BRCA1: variants seen among roughly 807,000 people sequenced by gnomAD.
The protein encoded by BRCA1 is BRCA1 DNA repair associated.
A neutral mutation model predicts 173.7 loss-of-function variants in BRCA1; 140 were observed. That is an observed-to-expected ratio of 0.81 (90% CI 0.70 to 0.93). BRCA1 has a LOEUF of 0.93. Ranked by LOEUF, BRCA1 falls within the 40% of genes least tolerant of loss-of-function variation. BRCA1 has a pLI of 0.00. For synonymous variants in BRCA1, 662 were observed against 756.0 expected, an observed-to-expected ratio of 0.88 and a Z score of 2.04; for missense variants, 1,983 against 2,172.5, an observed-to-expected ratio of 0.91 and a Z score of 1.73.
intron 2 of BRCA1, among the ~76,000 whole-genome samples, chr17:43,119,822 AT>A (rs2055467189): frequency 6.6e-6 from 1 of 152,250 alleles, no homozygotes; most frequent in African/African-American, 2.4e-5. Context: ...TGAAACAATT[AT>A]ATTTCAGTAT....
chr17:43,144,239 T>G (rs2056101678), intron 1 of BRCA1: 1 of 338,872 alleles, frequency 3.0e-6, no homozygotes, highest in South Asian at 2.2e-5. Flanking sequence ...AAAAATAAAG[T>G]GAATTTTCCT....
intron 4 of BRCA1, 61 bp from the exon 5 acceptor site, chr17:43,105,017 T>C: frequency 7.4e-7 from 1 of 1,352,282 alleles, no homozygotes; most frequent in African/African-American, 1.4e-5. Context: ...TTAAGGACAC[T>C]AAAATAAGAA....
At chr17:43,063,121 A>C (rs1567768414) in intron 18 of BRCA1, among the ~76,000 whole-genome samples, 1 of 151,666 alleles carries the variant, frequency 6.6e-6, no homozygotes, top group Non-Finnish European at 1.5e-5. Context: ...AACTCCCGAC[A>C]TCAGGTGATC....
At chr17:43,155,556 TCTCA>T (rs1359081667) in intron 1 of BRCA1, among the ~76,000 whole-genome samples, 6 of 150,544 alleles carry the variant, frequency 4.0e-5, no homozygotes, top group Non-Finnish European at 7.4e-5. Flanking sequence ...GGAGATGGAG[TCTCA>T]CTCACTCTGC....
At chr17:43,108,706 CAAA>C (rs35561635) in intron 3 of BRCA1, among the ~76,000 whole-genome samples, 36 of 16,066 alleles carry the variant, frequency 2.2e-3, no homozygotes, top group Admixed American at 5.3e-3. Flanking sequence ...GACTCTGTCT[CAAA>C]AAAAAAAAAA....
At chr17:43,110,976 C>CT (rs1449260438) in intron 3 of BRCA1, among the ~76,000 whole-genome samples, 4 of 151,744 alleles carry the variant, frequency 2.6e-5, no homozygotes, top group Non-Finnish European at 5.9e-5. Context: ...TGGTGCACGC[C>CT]TGTAATCCCA....
chr17:43,064,645 C>A (rs1018183588), intron 16 of BRCA1, among the ~76,000 whole-genome samples: 7 of 152,122 alleles, frequency 4.6e-5, no homozygotes, highest in African/African-American at 1.7e-4. Context: ...CTGCAAGCAG[C>A]AGCAGCAGCA....
At chr17:43,100,678 A>ATGTATATAT (rs1491277616) in intron 6 of BRCA1, among the ~76,000 whole-genome samples, 2 of 36,258 alleles carry the variant, frequency 5.5e-5, no homozygotes, top group Admixed American at 1.1e-3. Context: ...ATATATATAT[A>ATGTATATAT]ATATATATAT....
chr17:43,052,008 T>C (rs1435734889), intron 19 of BRCA1, among the ~76,000 whole-genome samples: 1 of 152,188 alleles, frequency 6.6e-6, no homozygotes, highest in Non-Finnish European at 1.5e-5. Context: ...CCATTGTATC[T>C]TTAGGCCACC....
At chr17:43,100,584 A>T (rs1252250982) in intron 6 of BRCA1, among the ~76,000 whole-genome samples, 15 of 106,562 alleles carry the variant, frequency 1.4e-4, no homozygotes, top group East Asian at 2.4e-4. Context: ...CATATATATA[A>T]CATATATATA....
rs1302055573 is a variant in BRCA1 at position 43,093,423 on chromosome 17, G to A, written c.2108C>T (p.Thr703Ile). The change falls in exon 10 of 23, where the codon ACA becomes ATA. Residue 703 changes from threonine to isoleucine, a missense_variant. Transcript: ENST00000357654. ...CTTAGTAAAAGAACCAGGTGCATTT[G>A]TTAACTTCAGCTCTGGGAAAGTATC... ...DSDTFPELKL[T>I]NAPGSFTKCS... 1.2e-6 allele frequency: 2 copies of A among 1,613,998 alleles called. No individual in the cohort carries two copies. Among genetic ancestry groups the A allele is most frequent in the Non-Finnish European group, 1.7e-6 (2 of 1,179,954 alleles).
At chr17:43,162,622 T>C (rs953449842) in intron 1 of BRCA1, 3 of 152,226 alleles carry the variant, frequency 2.0e-5, no homozygotes, top group Non-Finnish European at 4.4e-5. Flanking sequence ...AGCAACCTTT[T>C]GTCCTACCTC....
In BRCA1 at chr17:43,124,016, CCAGATGGGACA is replaced by C. The variant is rs80357696; in HGVS notation, c.70_80del (p.Cys24SerfsTer13). ...ATTAATACACTCTTGTGCTGACTTA[CCAGATGGGACA>C]CTCTAAGATTTTCTGCATAGCATTA... is the stretch of plus-strand genomic sequence containing the variant. On this transcript the variant is annotated frameshift_variant and splice_region_variant, in exon 2 of 23. Coordinates refer to ENST00000357654, the MANE Select transcript of BRCA1 (RefSeq NM_007294.4). LOFTEE classifies it high-confidence loss of function. 2 of 1,609,128 alleles carry C rather than the reference CCAGATGGGACA, an allele frequency of 1.2e-6. No individual in the cohort carries two copies. The highest frequency in any genetic ancestry group is 1.7e-6 in the Non-Finnish European group (2 of 1,175,708).
intron 1 of BRCA1, chr17:43,133,150 A>G (rs911728457): frequency 3.3e-5 from 5 of 152,166 alleles, no homozygotes; most frequent in African/African-American, 4.8e-5. Context: ...AAGGAATATT[A>G]GGTGAACACA....
upstream of BRCA1, among the ~76,000 whole-genome samples, chr17:43,126,421 C>G (rs1387160967): frequency 2.0e-5 from 3 of 152,084 alleles, no homozygotes. Context: ...ACGGTCTTTG[C>G]ATTGCCGCCT....
intron 12 of BRCA1, among the ~76,000 whole-genome samples, chr17:43,077,876 C>G (rs1396857421): frequency 6.6e-6 from 1 of 151,474 alleles, no homozygotes; most frequent in East Asian, 2.0e-4. Context: ...GTTGGGATTA[C>G]AGGTATGCAC....
intron 1 of BRCA1, among the ~76,000 whole-genome samples, chr17:43,150,866 C>A (rs555429534): frequency 2.0e-5 from 3 of 152,174 alleles, no homozygotes; most frequent in African/African-American, 4.8e-5. Flanking sequence ...AGTTTTAGTA[C>A]TAAAAGTCCT....
At chr17:43,126,411 A>G (rs1300111197), upstream of BRCA1, among the ~76,000 whole-genome samples, 2 of 152,022 alleles carry the variant, frequency 1.3e-5, no homozygotes, top group African/African-American at 4.8e-5. Flanking sequence ...CTGGCAGCGG[A>G]CGGTCTTTGC....
chr17:43,067,269 T>C (rs1437447433), intron 16 of BRCA1: 1 of 187,198 alleles, frequency 5.3e-6, no homozygotes, highest in Admixed American at 5.9e-5. Context: ...TTTTTTTTTT[T>C]TTTTGAGACG....
Sources: gnomAD v4.1 joint callset for allele counts (sites outside exome capture counted in the v4.1 genomes callset) on GRCh38, gnomAD v4.1.1 for gene constraint, MANE v1.5 for transcripts, NCBI Gene and HGNC (gene_info 2026-07-23, HGNC 2026-07-21) for gene names.